GUCY1A2: variants seen among roughly 807,000 people sequenced by gnomAD.
The protein encoded by GUCY1A2 is guanylate cyclase soluble subunit alpha-2.
In GUCY1A2, 27 loss-of-function variants were observed where a neutral mutation model predicts 63.5. The ratio of observed to expected loss-of-function variants is 0.43; its 90% CI spans 0.31 to 0.59. GUCY1A2 has a LOEUF of 0.59. Ranked by LOEUF, GUCY1A2 falls within the 20% of genes least tolerant of loss-of-function variation. The probability of loss-of-function intolerance (pLI) is 0.11; values close to 1 mark genes in which losing one functional copy is unlikely to be tolerated. For synonymous variants in GUCY1A2, 364 were observed against 343.5 expected (o/e 1.06, Z -0.66); for missense variants, 768 against 913.3 (o/e 0.84, Z 2.05).
At chr11:106,825,453 T>TA (rs200208545) in intron 4 of GUCY1A2, among the ~76,000 whole-genome samples, 21 of 146,368 alleles carry the variant, frequency 1.4e-4, no homozygotes, top group African/African-American at 2.5e-4. Flanking sequence ...CTGATGAGCT[T>TA]AAAAAAAAAA....
intron 2 of GUCY1A2, among the ~76,000 whole-genome samples, chr11:106,980,388 T>C (rs1861319730): frequency 6.6e-6 from 1 of 152,200 alleles, no homozygotes; most frequent in Admixed American, 6.5e-5. Flanking sequence ...AGTGAGGGCA[T>C]GACAGCCAAG....
chr11:107,011,497 A>C (rs990830675), intron 1 of GUCY1A2, among the ~76,000 whole-genome samples: 2 of 148,128 alleles, frequency 1.4e-5, no homozygotes, highest in Non-Finnish European at 3.0e-5. Context: ...GGAATATATA[A>C]TCAGGACTAT....
chr11:106,957,487 T>C (rs1861001990), intron 3 of GUCY1A2, among the ~76,000 whole-genome samples: 1 of 151,942 alleles, frequency 6.6e-6, no homozygotes, highest in Non-Finnish European at 1.5e-5. Context: ...AAAAAGCAGT[T>C]TCCCTAGCGC....
At chr11:106,921,227 C>T (rs1860440250) in intron 4 of GUCY1A2, among the ~76,000 whole-genome samples, 1 of 151,888 alleles carries the variant, frequency 6.6e-6, no homozygotes. Context: ...AATTCAATTC[C>T]CATATCCTGA....
intron 1 of GUCY1A2, among the ~76,000 whole-genome samples, chr11:106,997,534 G>A (rs1446111306): frequency 2.0e-5 from 3 of 151,894 alleles, no homozygotes; most frequent in Admixed American, 6.6e-5. Context: ...CAACTGGTAA[G>A]AGGTACAAGG....
chr11:106,684,974 T>A lies in GUCY1A2; in HGVS notation c.*2575A>T, dbSNP rs1487327998. 2.0e-5 allele frequency: 4 copies of A among 204,234 alleles called. No homozygotes were observed. Among genetic ancestry groups the A allele is most frequent in the Middle Eastern group, 3.2e-3 (2 of 624 alleles). 12.7% of individuals were successfully genotyped at this position (204,234 alleles called of 1,614,324 possible). On this transcript the variant is annotated 3_prime_UTR_variant, in exon 8 of 8. Coordinates refer to ENST00000526355, the MANE Select transcript of GUCY1A2 (RefSeq NM_000855.3). ...AATTTTTTCTCCATCTTCTAACTTC[T>A]GTGATTGAAGTTTGAATGAACAGAC...
chr11:106,916,732 T>A lies in GUCY1A2; in HGVS notation c.1206+22728A>T, dbSNP rs181510631. ...TGTTTTTATCTACTGCTAAGTAAAC[T>A]GACTCGTTGGTTCAGTCCAGATATA... On this transcript the variant is annotated intron_variant, in intron 4 of 7. Transcript: ENST00000526355. 3.3e-4 allele frequency among the ~76,000 whole-genome samples: 48 copies of A among 145,704 alleles called. 6 individuals are homozygous for A. Among genetic ancestry groups the A allele is most frequent in the Non-Finnish European group, 6.9e-4 (45 of 64,828 alleles).
chr11:106,889,300 G>A (rs946446018), intron 4 of GUCY1A2, among the ~76,000 whole-genome samples: 1 of 152,130 alleles, frequency 6.6e-6, no homozygotes, highest in Non-Finnish European at 1.5e-5. Context: ...GTTTAAAAAA[G>A]TGCCCAGAAA....
intron 4 of GUCY1A2, among the ~76,000 whole-genome samples, chr11:106,899,968 C>T (rs1482350693): frequency 2.6e-5 from 4 of 151,998 alleles, no homozygotes; most frequent in East Asian, 3.9e-4. Context: ...CGCCTGCAGT[C>T]CCAGCTAATC....
chr11:106,776,587 A>G lies in GUCY1A2; in HGVS notation c.1693-5T>C. ...GGCATCACCTATTGTTTCCACCTGCAGCAATCAGACAAATCAAATGCAAAC... is the reference window on the plus strand; with the variant it reads ...GGCATCACCTATTGTTTCCACCTGCGGCAATCAGACAAATCAAATGCAAAC... On this transcript the variant is annotated splice_polypyrimidine_tract_variant and splice_region_variant and intron_variant, in intron 5 of 7. Transcript: ENST00000526355. 5.6e-6 allele frequency: 9 copies of G among 1,612,784 alleles called. No homozygotes were observed. Among genetic ancestry groups the G allele is most frequent in the Non-Finnish European group, 7.6e-6 (9 of 1,179,192 alleles).
At chr11:106,856,460 G>A (rs2135454197) in intron 4 of GUCY1A2, among the ~76,000 whole-genome samples, 1 of 151,492 alleles carries the variant, frequency 6.6e-6, no homozygotes, top group African/African-American at 2.4e-5. Context: ...TACGAGTTTT[G>A]GCAATCTTAT....
intron 4 of GUCY1A2, among the ~76,000 whole-genome samples, chr11:106,841,403 C>G (rs893314559): frequency 1.3e-5 from 2 of 151,826 alleles, no homozygotes; most frequent in Non-Finnish European, 1.5e-5. Context: ...ACCTTTCAAA[C>G]AAGATTACAA....
At chr11:106,721,232 T>TATC (rs1181863683) in intron 6 of GUCY1A2, among the ~76,000 whole-genome samples, 5 of 152,170 alleles carry the variant, frequency 3.3e-5, no homozygotes, top group Non-Finnish European at 7.4e-5. Flanking sequence ...CTAATTTTTG[T>TATC]ATCTTTAGTA....
intron 6 of GUCY1A2, among the ~76,000 whole-genome samples, chr11:106,737,507 T>C (rs1863612145): frequency 6.6e-6 from 1 of 152,068 alleles, no homozygotes; most frequent in African/African-American, 2.4e-5. Context: ...CATCAACCCA[T>C]CATCTAAATT....
At chr11:106,824,864 T>A in intron 4 of GUCY1A2, 1 of 1,611,978 alleles carries the variant, frequency 6.2e-7, no homozygotes, top group Non-Finnish European at 8.5e-7. Context: ...AGGAAAAAAA[T>A]TCAGGCAACT....
At chr11:106,886,698 A>G (rs1417677746) in intron 4 of GUCY1A2, among the ~76,000 whole-genome samples, 1 of 152,190 alleles carries the variant, frequency 6.6e-6, no homozygotes, top group Non-Finnish European at 1.5e-5. Context: ...TGACTATTCA[A>G]CTGTCTAGTA....
chr11:106,848,617 T>A (rs1859310316), intron 4 of GUCY1A2, among the ~76,000 whole-genome samples: 1 of 151,686 alleles, frequency 6.6e-6, no homozygotes, highest in Non-Finnish European at 1.5e-5. Flanking sequence ...ATAATTTTTG[T>A]TATAAACAAT....
At chr11:106,998,137 A>T (rs1861565198) in intron 1 of GUCY1A2, among the ~76,000 whole-genome samples, 1 of 152,152 alleles carries the variant, frequency 6.6e-6, no homozygotes, top group African/African-American at 2.4e-5. Context: ...TCATGATGTG[A>T]ATTGTTGTGG....
In GUCY1A2 at chr11:106,810,024, T is replaced by C; in HGVS notation, c.1661A>G (p.Asp554Gly). The C allele has an allele frequency of 6.2e-7, 1 of 1,606,146 alleles. No homozygotes were observed. Among genetic ancestry groups the C allele is most frequent in the Non-Finnish European group, 8.5e-7 (1 of 1,173,184 alleles). Reference protein sequence around the residue: ...SMLNELYTRFDHQCGFLDIYK... With the variant: ...SMLNELYTRFGHQCGFLDIYK... ...AATATCCAAAAATCCACACTGGTGG[T>C]CAAATCTGGTGTACAGTTCATTCAG... Residue 554 changes from aspartate (D) to glycine (G), a missense_variant, in exon 5 of 8, where the codon GAC (aspartate) becomes GGC (glycine). By Grantham distance (94) the Asp-to-Gly change is moderately conservative. Coordinates refer to ENST00000526355, the MANE Select transcript of GUCY1A2 (RefSeq NM_000855.3).
Sources: allele counts gnomAD v4.1 joint callset (sites outside exome capture counted in the v4.1 genomes callset), GRCh38; gene constraint gnomAD v4.1.1; transcripts MANE v1.5; gene names NCBI Gene and HGNC (gene_info 2026-07-23, HGNC 2026-07-21).